ING2: variants seen among roughly 807,000 people sequenced by gnomAD.
ING2 encodes the protein inhibitor of growth protein 2.
ING2 carries 7 observed loss-of-function variants against 30.6 expected under a neutral mutation model. That is an observed-to-expected ratio of 0.23 (90% confidence interval 0.13 to 0.43). The LOEUF (loss-of-function observed/expected upper bound fraction) is 0.43. ING2 is among the 20% of genes least tolerant of loss of function. The probability of loss-of-function intolerance (pLI) is 1.00; values close to 1 mark genes in which losing one functional copy is unlikely to be tolerated. For missense variants in ING2, 239 were observed against 334.9 expected (o/e 0.71, Z 2.24); for synonymous variants, 136 against 121.7 (o/e 1.12, Z -0.78).
intron 1 of ING2, among the ~76,000 whole-genome samples, chr4:183,508,973 C>T (rs956623832): frequency 2.0e-5 from 3 of 152,172 alleles, no homozygotes; most frequent in Admixed American, 6.5e-5. Flanking sequence ...GAACCAACTA[C>T]TGATTTATCT....
intron 1 of ING2, among the ~76,000 whole-genome samples, chr4:183,507,410 G>A (rs906938139): frequency 5.3e-5 from 8 of 152,194 alleles, no homozygotes; most frequent in African/African-American, 1.7e-4. Context: ...AAGCTTGCAG[G>A]TTTTTACATT....
rs1227719278 is a variant in ING2 at position 183,511,822 on chromosome 4, A to AG, written c.*874dup. 1.3e-5 allele frequency among the ~76,000 whole-genome samples: 2 copies of AG among 152,222 alleles called. No individual in the cohort carries two copies. Among genetic ancestry groups the AG allele is most frequent in the Non-Finnish European group, 2.9e-5 (2 of 68,032 alleles). ...CGTAGCCACAGGCCTATCAGTGGAA[A>AG]GGGGCATATAGTAGTCTTTAAATAT... On this transcript the variant is annotated 3_prime_UTR_variant, in exon 2 of 2. Transcript: ENST00000302327.
chr4:183,506,051 G>C, intron 1 of ING2: 1 of 1,106,292 alleles, frequency 9.0e-7, no homozygotes, highest in South Asian at 1.8e-5. Context: ...CCCCCGCGCC[G>C]GGGGCGGGGC....
In ING2 at chr4:183,510,504, A is replaced by G. The variant is rs1734796838; in HGVS notation, c.395A>G (p.Glu132Gly). The change falls in exon 2 of 2, where the codon GAA becomes GGA. Residue 132 changes from glutamate to glycine, a missense_variant. Glu to Gly is a moderately conservative substitution (Grantham distance 98). This residue lies in a region of ING2 where 115 missense variants were observed against 120.1 expected (regional missense o/e 0.96). Transcript: ENST00000302327. ...SQCFQDPAES[E>G]RASDKAKMDS... is the part of the protein sequence containing the mutation. ...TGTTTCCAAGATCCTGCTGAAAGTG[A>G]ACGAGCCTCAGATAAAGCAAAGATG... The G allele has an allele frequency of 6.2e-7, 1 of 1,614,018 alleles. No individual in the cohort carries two copies. The highest frequency in any genetic ancestry group is 1.1e-5 in the South Asian group (1 of 91,094).
chr4:183,505,792 C>T (rs567695455), intron 1 of ING2, among the ~76,000 whole-genome samples: 2 of 152,056 alleles, frequency 1.3e-5, no homozygotes, highest in Non-Finnish European at 2.9e-5. Context: ...CACTCGCCCC[C>T]ACCCCGGAGT....
chr4:183,509,792 G>A (rs1391264722), intron 1 of ING2, among the ~76,000 whole-genome samples: 1 of 144,212 alleles, frequency 6.9e-6, no homozygotes, highest in African/African-American at 2.6e-5. Context: ...GGAGTGCAGC[G>A]GTGCGATCTC....
intron 1 of ING2, chr4:183,505,952 A>G (rs546565442): frequency 5.1e-6 from 2 of 395,010 alleles, no homozygotes; most frequent in Non-Finnish European, 7.4e-6. Context: ...CCCGCGTTGT[A>G]GCCCTAGCCC....
intron 1 of ING2, chr4:183,506,048 G>A (rs1288611401): frequency 9.1e-7 from 1 of 1,101,320 alleles, no homozygotes; most frequent in South Asian, 1.8e-5. Context: ...GGGCCCCCGC[G>A]CCGGGGGCGG....
rs1411223592 is a variant in ING2 at position 183,511,315 on chromosome 4, A to G, written c.*363A>G. On this transcript the variant is annotated 3_prime_UTR_variant, in exon 2 of 2. Transcript: ENST00000302327. ...ATTTTAGTTATACATGCTTAAAAAA[A>G]TGTTAGATGTAGTGGGATTTCTCTT... Among the ~76,000 whole-genome samples, 1 of 152,272 alleles carries G rather than the reference A, an allele frequency of 6.6e-6. No homozygotes were observed. Among genetic ancestry groups the G allele is most frequent in the African/African-American group, 2.4e-5 (1 of 41,474 alleles).
intron 1 of ING2, chr4:183,506,376 G>A: frequency 1.7e-6 from 2 of 1,165,506 alleles, no homozygotes; most frequent in Non-Finnish European, 1.2e-6. Flanking sequence ...TTGGTTGACT[G>A]GGCAACCGCC....
At chr4:183,508,953 A>G (rs762871905) in intron 1 of ING2, among the ~76,000 whole-genome samples, 1 of 152,228 alleles carries the variant, frequency 6.6e-6, no homozygotes, top group African/African-American at 2.4e-5. Context: ...TCAGCAGTTC[A>G]GAAAGCTCAG....
At chr4:183,505,854 A>G (rs1399997955) in intron 1 of ING2, among the ~76,000 whole-genome samples, 1 of 151,662 alleles carries the variant, frequency 6.6e-6, no homozygotes, top group Non-Finnish European at 1.5e-5. Context: ...GCGGAGGCGG[A>G]CTGAGGGGGC....
At chr4:183,506,949 C>G (rs1013037385) in intron 1 of ING2, among the ~76,000 whole-genome samples, 7 of 152,146 alleles carry the variant, frequency 4.6e-5, no homozygotes, top group Admixed American at 3.9e-4. Context: ...TCTTTGTTTT[C>G]AAACAATTTA....
At chr4:183,507,771 C>T (rs1338118198) in intron 1 of ING2, among the ~76,000 whole-genome samples, 2 of 152,084 alleles carry the variant, frequency 1.3e-5, no homozygotes, top group Admixed American at 1.3e-4. Flanking sequence ...TCTAATATTT[C>T]TAGCAATATT....
rs1189163265 is a variant in ING2 at position 183,510,643 on chromosome 4, T to C, written c.534T>C (p.Pro178=). 9 of 1,614,108 alleles carry C rather than the reference T, an allele frequency of 5.6e-6. No homozygotes were observed. Among genetic ancestry groups the C allele is most frequent in the Non-Finnish European group, 7.6e-6 (9 of 1,179,990 alleles). ...TTGAAGACTGTGATGATCAGCCACC[T>C]AAAGAAAAGAAATCCAAGTCAGCAA... ...NGIEDCDDQP[P]KEKKSKSAKK... is the part of the protein sequence containing the mutation. The change falls in exon 2 of 2, where the codon CCT becomes CCC. Residue 178 remains proline, a synonymous_variant. Coordinates refer to ENST00000302327, the MANE Select transcript of ING2 (RefSeq NM_001564.4).
At chr4:183,506,283 A>C (rs1221210002) in intron 1 of ING2, 2 of 1,304,132 alleles carry the variant, frequency 1.5e-6, no homozygotes, top group East Asian at 1.1e-4. Context: ...CAGGACGGCG[A>C]TCAGCAGCTC....
At chr4:183,506,167 G>A (rs2111084786) in intron 1 of ING2, 1 of 1,284,386 alleles carries the variant, frequency 7.8e-7, no homozygotes, top group Non-Finnish European at 1.0e-6. Context: ...GCTGGGGAGG[G>A]AGTCGGGGCT....
chr4:183,508,362 T>A (rs545795865), intron 1 of ING2, among the ~76,000 whole-genome samples: 221 of 152,284 alleles, frequency 1.5e-3, no homozygotes, highest in African/African-American at 4.7e-3. Flanking sequence ...CTTTTTTTTT[T>A]AATCCTCAAT....
chr4:183,505,454 T>G (rs1734612889), intron 1 of ING2, 87 bp downstream of exon 1: 2 of 1,314,812 alleles, frequency 1.5e-6, no homozygotes, highest in Non-Finnish European at 2.1e-6. Flanking sequence ...CCCGTGACAG[T>G]CTCCCCGAGC....
Sources: allele counts gnomAD v4.1 joint callset (sites outside exome capture counted in the v4.1 genomes callset), GRCh38; gene constraint gnomAD v4.1.1; regional missense constraint gnomAD v4.1.1; transcripts MANE v1.5; gene names NCBI Gene and HGNC (gene_info 2026-07-23, HGNC 2026-07-21).